Variants in VAV3 observed in about 807,000 individuals in gnomAD.
The protein encoded by VAV3 is guanine nucleotide exchange factor VAV3.
VAV3 carries 94 observed loss-of-function variants against 131.2 expected under a neutral mutation model. The observed-to-expected ratio is 0.72, with a 90% confidence interval of 0.61 to 0.85. The LOEUF is 0.85. Ranked by LOEUF, VAV3 falls within the 40% of genes least tolerant of loss-of-function variation. The pLI is 0.00. For missense variants in VAV3, 939 were observed against 1,002.7 expected (o/e 0.94, Z 0.86); for synonymous variants, 349 against 342.0 (o/e 1.02, Z -0.22).
chr1:107,781,866 G>C (rs1665708775), intron 2 of VAV3, among the ~76,000 whole-genome samples: 1 of 152,094 alleles, frequency 6.6e-6, no homozygotes, highest in Non-Finnish European at 1.5e-5. Flanking sequence ...AAACTCAGAA[G>C]ATCAAGAATG....
intron 1 of VAV3, among the ~76,000 whole-genome samples, chr1:107,922,680 C>T (rs534186974): frequency 2.0e-5 from 3 of 152,008 alleles, no homozygotes; most frequent in South Asian, 2.1e-4. Context: ...TGGCCGGGCG[C>T]GGTGGCTCAC....
At chr1:107,608,265 A>ATT (rs1652450138) in intron 22 of VAV3, among the ~76,000 whole-genome samples, 1 of 152,178 alleles carries the variant, frequency 6.6e-6, no homozygotes, top group African/African-American at 2.4e-5. Context: ...GGTACCTAAT[A>ATT]AGTTTATTTC....
At chr1:107,794,163 T>C (rs1570963504) in intron 2 of VAV3, among the ~76,000 whole-genome samples, 1 of 152,206 alleles carries the variant, frequency 6.6e-6, no homozygotes, top group Non-Finnish European at 1.5e-5. Flanking sequence ...TCCATGTGAG[T>C]AGGACATGCC....
intron 9 of VAV3, among the ~76,000 whole-genome samples, chr1:107,763,008 A>G (rs1664526366): frequency 6.6e-6 from 1 of 152,214 alleles, no homozygotes; most frequent in Non-Finnish European, 1.5e-5. Context: ...AGTAGAGAAG[A>G]AAAAGACAAA....
intron 20 of VAV3, among the ~76,000 whole-genome samples, chr1:107,620,806 T>A (rs145815490): frequency 6.6e-5 from 10 of 152,272 alleles, no homozygotes; most frequent in African/African-American, 2.4e-4. Flanking sequence ...ATTTTTTAGC[T>A]GATGAAAGTG....
chr1:107,704,759 C>G lies in VAV3; in HGVS notation c.1605-109G>C. ...TATCAACAGTGCTCTTCAAGGTACC[C>G]CCTTGGTAGAGGGAGACGAGCTTGC... On this transcript the variant is annotated intron_variant, in intron 16 of 26. Transcript: ENST00000370056. 2.9e-6 allele frequency: 3 copies of G among 1,026,808 alleles called. No homozygotes were observed. The South Asian group carries it at 4.4e-5, about 15-fold the overall frequency. 63.6% of individuals were successfully genotyped at this position (1,026,808 alleles called of 1,614,324 possible).
chr1:107,602,693 G>A (rs1224815866), intron 23 of VAV3, among the ~76,000 whole-genome samples: 2 of 151,888 alleles, frequency 1.3e-5, no homozygotes, highest in Non-Finnish European at 2.9e-5. Flanking sequence ...TGAGAAGGGA[G>A]GTTGGATTTG....
chr1:107,936,902 C>A (rs1005844039), intron 1 of VAV3, among the ~76,000 whole-genome samples: 4 of 152,156 alleles, frequency 2.6e-5, no homozygotes, highest in Non-Finnish European at 5.9e-5. Flanking sequence ...TGATACACAT[C>A]ATTCCTTAAA....
At chr1:107,698,362 G>A (rs1659874200) in intron 17 of VAV3, among the ~76,000 whole-genome samples, 1 of 152,196 alleles carries the variant, frequency 6.6e-6, no homozygotes, top group African/African-American at 2.4e-5. Context: ...AGTCAGCCAC[G>A]AAATCACAAG....
intron 1 of VAV3, among the ~76,000 whole-genome samples, chr1:107,952,287 C>A (rs1674577699): frequency 6.6e-6 from 1 of 151,444 alleles, no homozygotes. Flanking sequence ...CGGAGGGGAA[C>A]CACACACACT....
chr1:107,886,348 A>G (rs1671035612), intron 1 of VAV3, among the ~76,000 whole-genome samples: 1 of 152,226 alleles, frequency 6.6e-6, no homozygotes, highest in Admixed American at 6.5e-5. Flanking sequence ...TAACAAGTAT[A>G]GAGTCAAATC....
chr1:107,807,842 A>G (rs944092864), intron 2 of VAV3, among the ~76,000 whole-genome samples: 5 of 152,218 alleles, frequency 3.3e-5, no homozygotes, highest in Non-Finnish European at 5.9e-5. Flanking sequence ...TGAAGGCAGC[A>G]ATATGTTTCA....
intron 15 of VAV3, among the ~76,000 whole-genome samples, chr1:107,737,264 C>T (rs1365947245): frequency 2.6e-5 from 4 of 152,092 alleles, no homozygotes; most frequent in Non-Finnish European, 5.9e-5. Context: ...AGAAGAAAAC[C>T]TAGGCAATAC....
chr1:107,798,048 T>A (rs1666634070), intron 2 of VAV3, among the ~76,000 whole-genome samples: 1 of 152,326 alleles, frequency 6.6e-6, no homozygotes, highest in African/African-American at 2.4e-5. Flanking sequence ...CTTTTAGCCT[T>A]CTGCTTTCCC....
intron 25 of VAV3, among the ~76,000 whole-genome samples, chr1:107,584,203 A>G (rs1002005376): frequency 2.0e-5 from 3 of 152,244 alleles, no homozygotes; most frequent in African/African-American, 4.8e-5. Context: ...CTGGCTAGCC[A>G]TATGTAGAAA....
At chr1:107,640,969 C>A (rs1258482379) in intron 20 of VAV3, among the ~76,000 whole-genome samples, 1 of 152,088 alleles carries the variant, frequency 6.6e-6, no homozygotes, top group African/African-American at 2.4e-5. Flanking sequence ...ATAAAAAGTC[C>A]AAGAAGAAAG....
At chr1:107,745,827 T>C (rs1048036621) in intron 15 of VAV3, among the ~76,000 whole-genome samples, 2 of 152,192 alleles carry the variant, frequency 1.3e-5, no homozygotes, top group African/African-American at 4.8e-5. Flanking sequence ...ATCAGCTCCC[T>C]TGATTTCCCT....
intron 25 of VAV3, among the ~76,000 whole-genome samples, chr1:107,592,129 T>C (rs1327332809): frequency 6.6e-6 from 1 of 152,116 alleles, no homozygotes; most frequent in Non-Finnish European, 1.5e-5. Flanking sequence ...CCACATGTTA[T>C]ATGTAGTTGT....
At chr1:107,659,866 G>T (rs1656876298) in intron 19 of VAV3, among the ~76,000 whole-genome samples, 1 of 152,080 alleles carries the variant, frequency 6.6e-6, no homozygotes, top group South Asian at 2.1e-4. Flanking sequence ...AAGGGAGAGT[G>T]GTGAGGGCTA....
Sources: allele counts gnomAD v4.1 joint callset (sites outside exome capture counted in the v4.1 genomes callset), GRCh38; gene constraint gnomAD v4.1.1; transcripts MANE v1.5; gene names NCBI Gene and HGNC (gene_info 2026-07-23, HGNC 2026-07-21).